Variants in DSCAML1 observed in about 807,000 individuals in gnomAD.
DSCAML1 encodes the protein DS cell adhesion molecule like 1, also known as cell adhesion molecule DSCAML1.
Under a neutral mutation model 200.5 loss-of-function variants are expected in DSCAML1, and 38 were observed. That is an observed-to-expected ratio of 0.19 (90% CI 0.15 to 0.25). The LOEUF (loss-of-function observed/expected upper bound fraction) is 0.25, where lower values mean the gene tolerates loss of function less well. DSCAML1 is among the 10% of genes least tolerant of loss of function. The probability of loss-of-function intolerance (pLI) is 1.00; values close to 1 mark genes in which losing one functional copy is unlikely to be tolerated. For synonymous variants in DSCAML1, 1,215 were observed against 1,165.0 expected (o/e 1.04, Z -0.87); for missense variants, 2,223 against 2,858.8 (o/e 0.78, Z 5.07).
chr11:117,436,547 CACGTGTGT>C (rs1289366268), intron 26 of DSCAML1, among the ~76,000 whole-genome samples: 1 of 148,816 alleles, frequency 6.7e-6, no homozygotes, highest in Non-Finnish European at 1.5e-5. Context: ...TGTATGTGTG[CACGTGTGT>C]ATGTATCCCC....
rs1307274985 is a variant in DSCAML1, at chr11:117,480,275, C to A, written c.2785+168G>T. ...CCGGACTCCTAGCCCGGCCAGTGTCCCTCCCTTCAGAAGCCACAGCTGCTT... is the reference window on the plus strand; with the variant it reads ...CCGGACTCCTAGCCCGGCCAGTGTCACTCCCTTCAGAAGCCACAGCTGCTT... On this transcript the variant is annotated intron_variant, in intron 14 of 32. Transcript: ENST00000651296. This position sits in a 1 kb window ranked among gnomAD's most constrained non-coding sequence, Gnocchi z 4.1. Among the ~76,000 whole-genome samples, 1 of 152,206 alleles carries A rather than the reference C, an allele frequency of 6.6e-6. No individual in the cohort carries two copies. Among genetic ancestry groups the A allele is most frequent in the East Asian group, 1.9e-4 (1 of 5,190 alleles).
intron 3 of DSCAML1, among the ~76,000 whole-genome samples, chr11:117,616,997 T>C (rs2051822959): frequency 6.6e-6 from 1 of 152,172 alleles, no homozygotes; most frequent in Non-Finnish European, 1.5e-5. Flanking sequence ...AGTCTTGCAA[T>C]AATAAAGATC....
At chr11:117,540,729 A>G (rs1246658637) in intron 3 of DSCAML1, among the ~76,000 whole-genome samples, 3 of 152,070 alleles carry the variant, frequency 2.0e-5, no homozygotes, top group Admixed American at 2.0e-4. Flanking sequence ...CATTAGGAGA[A>G]ATACCTCATG....
At chr11:117,461,936 C>A (rs1380558867) in intron 17 of DSCAML1, among the ~76,000 whole-genome samples, 1 of 152,210 alleles carries the variant, frequency 6.6e-6, no homozygotes, top group Admixed American at 6.5e-5. Flanking sequence ...CACCACGACC[C>A]AGGCAAATCC....
chr11:117,558,037 T>G (rs1432014858), intron 3 of DSCAML1, among the ~76,000 whole-genome samples: 1 of 151,994 alleles, frequency 6.6e-6, no homozygotes, highest in Non-Finnish European at 1.5e-5. Context: ...ATGATGGACA[T>G]TTCCCACCAG....
chr11:117,631,414 G>T (rs965045992), intron 3 of DSCAML1, among the ~76,000 whole-genome samples: 1 of 152,222 alleles, frequency 6.6e-6, no homozygotes, highest in African/African-American at 2.4e-5. Context: ...GAGGAGAGCT[G>T]CGGGCTGCAG....
At position 117,437,830 on chromosome 11, in the gene DSCAML1, G is replaced by T; in HGVS notation, c.4432+65C>A. On this transcript the variant is annotated intron_variant, in intron 25 of 32. Transcript: ENST00000651296. The surrounding 1 kb of genome is among the most constrained non-coding windows in gnomAD (Gnocchi z 5.3). Reference sequence around the variant, plus strand: ...CCCAGCCACCTTACACCCCATACCTGGCCCCTCTAGCCCACCCTCCCTGGG... The same window carrying T: ...CCCAGCCACCTTACACCCCATACCTTGCCCCTCTAGCCCACCCTCCCTGGG... 2 of 1,472,114 alleles carry T rather than the reference G, an allele frequency of 1.4e-6. No homozygotes were observed. The highest frequency in any genetic ancestry group is 2.4e-5 in the East Asian group (1 of 41,798). The allele number at this position is 1,472,114 out of a possible 1,614,324, so 91.2% of individuals were successfully genotyped here. A position where few individuals can be genotyped will look rare whatever the true frequency, so the allele number is the denominator to read the frequency against.
chr11:117,562,284 T>A (rs2050677835), intron 3 of DSCAML1, among the ~76,000 whole-genome samples: 1 of 152,174 alleles, frequency 6.6e-6, no homozygotes, highest in Non-Finnish European at 1.5e-5. Context: ...GCCTCTCATA[T>A]GCCTGCCTCC....
intron 3 of DSCAML1, among the ~76,000 whole-genome samples, chr11:117,643,631 G>A (rs575953257): frequency 3.3e-5 from 5 of 152,246 alleles, no homozygotes; most frequent in Admixed American, 3.3e-4. Flanking sequence ...TGGGTGAGTG[G>A]GGCGGTCCAC....
At chr11:117,515,133 G>A (rs1416270706) in intron 8 of DSCAML1, among the ~76,000 whole-genome samples, 1 of 152,226 alleles carries the variant, frequency 6.6e-6, no homozygotes, top group African/African-American at 2.4e-5. Context: ...GGAGCCCCAG[G>A]CTGAGGTCTT....
Position 117,780,041 on chromosome 11 carries a change from A to G in DSCAML1, c.364+452T>C, listed in dbSNP as rs1044413701. On this transcript the variant is annotated intron_variant, in intron 2 of 32. Coordinates refer to ENST00000651296, the MANE Select transcript of DSCAML1 (RefSeq NM_020693.4). This position sits in a 1 kb window ranked among gnomAD's most constrained non-coding sequence, Gnocchi z 4.8. The stretch of plus-strand genomic sequence containing the variant: ...GATACAGAGGTAGGTACTTGCATCC[A>G]CTTTGCAGATGGGAAAACTGAGGCT... 6.6e-6 allele frequency among the ~76,000 whole-genome samples: 1 copy of G among 151,708 alleles called. No homozygotes were observed. The highest frequency in any genetic ancestry group is 2.4e-5 in the African/African-American group (1 of 41,186).
chr11:117,515,386 A>T (rs1366265299), intron 8 of DSCAML1, among the ~76,000 whole-genome samples: 2 of 152,116 alleles, frequency 1.3e-5, no homozygotes, highest in African/African-American at 4.8e-5. Flanking sequence ...CACCATCCAG[A>T]CAGTCTCCAG....
chr11:117,502,701 C>A (rs1270268463), intron 11 of DSCAML1, among the ~76,000 whole-genome samples: 1 of 152,202 alleles, frequency 6.6e-6, no homozygotes, highest in African/African-American at 2.4e-5. Context: ...CCCACCTGCA[C>A]CCTGGAGGGA....
chr11:117,630,671 A>C (rs2052153751), intron 3 of DSCAML1, among the ~76,000 whole-genome samples: 1 of 150,358 alleles, frequency 6.7e-6, no homozygotes, highest in African/African-American at 2.4e-5. Flanking sequence ...AAAAAAAAAA[A>C]AAAAAAAAAA....
At chr11:117,751,048 G>A (rs1327741581) in intron 3 of DSCAML1, among the ~76,000 whole-genome samples, 1 of 152,144 alleles carries the variant, frequency 6.6e-6, no homozygotes. Flanking sequence ...TCCATTGGGG[G>A]GCAGCCAGAG....
chr11:117,520,702 T>C (rs888622506), intron 6 of DSCAML1, among the ~76,000 whole-genome samples: 4 of 145,444 alleles, frequency 2.8e-5, no homozygotes, highest in Non-Finnish European at 6.0e-5. Flanking sequence ...CTGAGCAACA[T>C]AGTGAGACTC....
intron 3 of DSCAML1, among the ~76,000 whole-genome samples, chr11:117,682,582 G>A (rs1475440067): frequency 1.3e-5 from 2 of 152,166 alleles, no homozygotes; most frequent in African/African-American, 4.8e-5. Context: ...CTACTGAGAG[G>A]TGCTGGCTCC....
At chr11:117,715,391 C>T (rs1479257192) in intron 3 of DSCAML1, among the ~76,000 whole-genome samples, 1 of 152,176 alleles carries the variant, frequency 6.6e-6, no homozygotes, top group Non-Finnish European at 1.5e-5. Context: ...CCAGCCGTAG[C>T]CCAGTCTCTG....
Position 117,742,780 on chromosome 11 carries a change from T to C in DSCAML1, c.511+34011A>G, listed in dbSNP as rs113005899. On this transcript the variant is annotated intron_variant, in intron 3 of 32. Transcript: ENST00000651296. ...TCAACATACTCGAATCAGAGAAAAATATTTGGAGGAGAAGGCTGCTGAGGG... is the reference window on the plus strand; with the variant it reads ...TCAACATACTCGAATCAGAGAAAAACATTTGGAGGAGAAGGCTGCTGAGGG... Among the ~76,000 whole-genome samples the C allele has an allele frequency of 2.0e-3, 298 of 152,218 alleles. 1 individual carries two copies. The highest frequency in any genetic ancestry group is 6.7e-3 in the African/African-American group (279 of 41,528).
Sources: allele counts gnomAD v4.1 joint callset (sites outside exome capture counted in the v4.1 genomes callset), GRCh38; gene constraint gnomAD v4.1.1; non-coding constraint Gnocchi (gnomAD v3.1); transcripts MANE v1.5; gene names NCBI Gene and HGNC (gene_info 2026-07-23, HGNC 2026-07-21).